Variants in CHD5 observed in about 807,000 individuals in gnomAD.
CHD5 encodes the protein chromodomain helicase DNA binding protein 5, also known as ATP-dependent chromatin remodeler CHD5.
A neutral mutation model predicts 230.3 loss-of-function variants in CHD5; 69 were observed. The ratio of observed to expected loss-of-function variants is 0.30; its 90% confidence interval spans 0.25 to 0.37. CHD5 has a LOEUF of 0.37. CHD5 is among the 10% of genes least tolerant of loss of function. The pLI is 1.00. For synonymous variants in CHD5, 1,064 were observed against 1,065.9 expected, an observed-to-expected ratio of 1.00 and a Z score of 0.03; for missense variants, 1,827 against 2,622.8, an observed-to-expected ratio of 0.70 and a Z score of 6.63.
Position 6,134,637 on chromosome 1 carries a change from C to T in CHD5, c.3012+81G>A. On this transcript the variant is annotated intron_variant, in intron 19 of 41. Transcript: ENST00000262450. This position sits in a 1 kb window ranked among gnomAD's most constrained non-coding sequence, Gnocchi z 6.3. ...TGGCCAGGAGAACCTATCACAGCGG[C>T]CACAGGGACCTACCATGGCGGCCAC... 7.0e-7 allele frequency: 1 copy of T among 1,421,036 alleles called. No homozygotes were observed. The highest frequency in any genetic ancestry group is 1.7e-5 in the Admixed American group (1 of 59,118). The allele number at this position is 1,421,036 out of a possible 1,614,324, so 88.0% of individuals were successfully genotyped here.
intron 38 of CHD5, among the ~76,000 whole-genome samples, chr1:6,107,827 G>T (rs1666217321): frequency 7.0e-6 from 1 of 142,122 alleles, no homozygotes; most frequent in South Asian, 2.4e-4. Context: ...GAGGGATGGA[G>T]GGATGATGAA....
chr1:6,110,798 G>A (rs1029845979), intron 36 of CHD5, among the ~76,000 whole-genome samples: 1 of 152,164 alleles, frequency 6.6e-6, no homozygotes, highest in African/African-American at 2.4e-5. Context: ...GGGTGCATAC[G>A]TTTAAGTCTT....
At chr1:6,177,680 C>A (rs2100891867) in intron 1 of CHD5, among the ~76,000 whole-genome samples, 1 of 152,324 alleles carries the variant, frequency 6.6e-6, no homozygotes, top group South Asian at 2.1e-4. Context: ...AGGCCCTTAG[C>A]AAGGGTGTCC....
chr1:6,128,317 G>A lies in CHD5; in HGVS notation c.3731-99C>T, dbSNP rs72632513. On this transcript the variant is annotated intron_variant, in intron 24 of 41. Transcript: ENST00000262450. This position sits in a 1 kb window ranked among gnomAD's most constrained non-coding sequence, Gnocchi z 7.8. ...CCAACAATGGCCCTTCCCATCCCCA[G>A]CAGGGGCTGCAGCTGAGAGGCATGG... The A allele has an allele frequency of 0.27, 346,889 of 1,286,200 alleles. 49,722 individuals are homozygous for A. Among genetic ancestry groups the A allele is most frequent in the South Asian group, 0.4 (29,707 of 74,526 alleles). The allele number at this position is 1,286,200 out of a possible 1,614,324, so 79.7% of individuals were successfully genotyped here.
chr1:6,149,105 T>C, intron 8 of CHD5, 30 bp from the exon 9 acceptor site: 4 of 1,477,368 alleles, frequency 2.7e-6, no homozygotes, highest in Non-Finnish European at 3.6e-6. Context: ...GGAGGCACCC[T>C]GGGCGGGGTC....
chr1:6,177,045 A>C (rs61198901), intron 1 of CHD5, among the ~76,000 whole-genome samples: 7,378 of 152,298 alleles, frequency 0.048, 435 homozygotes, highest in African/African-American at 0.15. Flanking sequence ...GGAAACAATA[A>C]TTCACTGCTG....
rs531775115 is a variant in CHD5 at position 6,121,630 on chromosome 1, C to T, written c.4700-57G>A. The T allele has an allele frequency of 1.5e-6, 2 of 1,339,500 alleles. No individual in the cohort carries two copies. Among genetic ancestry groups the T allele is most frequent in the African/African-American group, 1.4e-5 (1 of 69,510 alleles). The allele number at this position is 1,339,500 out of a possible 1,614,324, so 83.0% of individuals were successfully genotyped here. ...TGGGCTCAGACGGGAAGGAGTAGGGCAGGGAGTGGGGTGGCAGAGAGGAGA... is the reference window on the plus strand; with the variant it reads ...TGGGCTCAGACGGGAAGGAGTAGGGTAGGGAGTGGGGTGGCAGAGAGGAGA... On this transcript the variant is annotated intron_variant, in intron 31 of 41. Coordinates refer to ENST00000262450, the MANE Select transcript of CHD5 (RefSeq NM_015557.3). The surrounding 1 kb of genome is among the most constrained non-coding windows in gnomAD (Gnocchi z 4.5).
chr1:6,119,795 G>A (rs914291440), intron 33 of CHD5, among the ~76,000 whole-genome samples: 8 of 146,048 alleles, frequency 5.5e-5, no homozygotes, highest in African/African-American at 1.3e-4. Context: ...ATATACGTAC[G>A]TATGTACGTA....
chr1:6,169,048 T>C (rs1171840420), intron 1 of CHD5, among the ~76,000 whole-genome samples: 1 of 148,308 alleles, frequency 6.7e-6, no homozygotes, highest in Admixed American at 6.7e-5. Context: ...AGAGAGAGAA[T>C]TGTGGAGCAC....
chr1:6,143,812 TC>T lies in CHD5; in HGVS notation c.2043+10del. Reference sequence around the variant, plus strand: ...AACCCCACCCACTGCTGCCCCACCCTCCCCACTCACGTCCACAATGGGCGTG... The same window carrying T: ...AACCCCACCCACTGCTGCCCCACCCTCCCACTCACGTCCACAATGGGCGTG... On this transcript the variant is annotated intron_variant, in intron 13 of 41. Coordinates refer to ENST00000262450, the MANE Select transcript of CHD5 (RefSeq NM_015557.3). 2 of 789,990 alleles carry T rather than the reference TC, an allele frequency of 2.5e-6. No individual in the cohort carries two copies. The highest frequency in any genetic ancestry group is 2.1e-6 in the Non-Finnish European group (1 of 483,944). The allele number at this position is 789,990 out of a possible 1,614,324, so 48.9% of individuals were successfully genotyped here.
At position 6,121,711 on chromosome 1, in the gene CHD5, C is replaced by G; in HGVS notation, c.4700-138G>C. 1 of 622,114 alleles carries G rather than the reference C, an allele frequency of 1.6e-6. No homozygotes were observed. The highest frequency in any genetic ancestry group is 2.9e-6 in the Non-Finnish European group (1 of 347,104). 38.5% of individuals were successfully genotyped at this position (622,114 alleles called of 1,614,324 possible). ...TGCAGCCAAGCACCTCCAGGAGAGA[C>G]AAGCAGGATCCCCGGCTAAGTCAGA... On this transcript the variant is annotated intron_variant, in intron 31 of 41. Coordinates refer to ENST00000262450, the MANE Select transcript of CHD5 (RefSeq NM_015557.3). The surrounding 1 kb of genome is among the most constrained non-coding windows in gnomAD (Gnocchi z 4.5).
At chr1:6,127,990 G>A in intron 25 of CHD5, 56 bp downstream of exon 25, 2 of 1,425,166 alleles carry the variant, frequency 1.4e-6, no homozygotes, top group Non-Finnish European at 9.5e-7. Flanking sequence ...ACAGTGGGGG[G>A]CGGGGCTGCG....
At position 6,125,332 on chromosome 1, in the gene CHD5, TAGGAAGGGGGCACAGAGA is replaced by T; in HGVS notation, c.4261-117_4261-100del. On this transcript the variant is annotated intron_variant, in intron 28 of 41. Coordinates refer to ENST00000262450, the MANE Select transcript of CHD5 (RefSeq NM_015557.3). This position sits in a 1 kb window ranked among gnomAD's most constrained non-coding sequence, Gnocchi z 6.7. ...AGAAAAGCATGGGAGGAGGAGAAGGTAGGAAGGGGGCACAGAGAAGGCAGGGGCCTCCACCTGGGGCAG... is the reference window on the plus strand; with the variant it reads ...AGAAAAGCATGGGAGGAGGAGAAGGTAGGCAGGGGCCTCCACCTGGGGCAG... The T allele has an allele frequency of 8.9e-7, 1 of 1,121,744 alleles. No individual in the cohort carries two copies. Among genetic ancestry groups the T allele is most frequent in the South Asian group, 1.5e-5 (1 of 67,114 alleles). The allele number at this position is 1,121,744 out of a possible 1,614,324, so 69.5% of individuals were successfully genotyped here. A position where few individuals can be genotyped will look rare whatever the true frequency, so the allele number is the denominator to read the frequency against.
Position 6,146,909 on chromosome 1 carries a change from T to G in CHD5, c.1384-38A>C, listed in dbSNP as rs560918884. ...AAGGGTCCCCAAGGTGGGGCTCAGC[T>G]GCAGGGCCCCACCCTGAGGCTCCCA... On this transcript the variant is annotated intron_variant, in intron 9 of 41. Coordinates refer to ENST00000262450, the MANE Select transcript of CHD5 (RefSeq NM_015557.3). The surrounding 1 kb of genome is among the most constrained non-coding windows in gnomAD (Gnocchi z 5.1). 4.2e-6 allele frequency: 6 copies of G among 1,421,172 alleles called. No homozygotes were observed. The South Asian group carries it at 5.9e-5, about 14-fold the overall frequency. 88.0% of individuals were successfully genotyped at this position (1,421,172 alleles called of 1,614,324 possible).
At chr1:6,112,812 G>T (rs1557537205) in intron 34 of CHD5, 97 bp downstream of exon 34, 16 of 883,170 alleles carry the variant, frequency 1.8e-5, no homozygotes, top group Non-Finnish European at 2.5e-5. Context: ...GGGCCAAGGG[G>T]ACGGCGCCTG....
intron 25 of CHD5, among the ~76,000 whole-genome samples, chr1:6,127,575 G>A (rs1666579998): frequency 6.6e-6 from 1 of 152,200 alleles, no homozygotes; most frequent in Non-Finnish European, 1.5e-5. Context: ...GGAAGGGGCG[G>A]GAGGGTGCAG....
chr1:6,156,924 G>T (rs1667089348), intron 3 of CHD5, among the ~76,000 whole-genome samples: 1 of 152,250 alleles, frequency 6.6e-6, no homozygotes, highest in Non-Finnish European at 1.5e-5. Context: ...TCTGATCCTG[G>T]CTCTGCCACA....
In CHD5 at chr1:6,134,335, G is replaced by A. The variant is rs1405324748; in HGVS notation, c.3013-76C>T. ...GACTCTGCACCAAAGGGGCCGCAGG[G>A]AACAGACAAGTGCTGAGCAATGGGG... is the stretch of plus-strand genomic sequence containing the variant. On this transcript the variant is annotated intron_variant, in intron 19 of 41. Coordinates refer to ENST00000262450, the MANE Select transcript of CHD5 (RefSeq NM_015557.3). This position sits in a 1 kb window ranked among gnomAD's most constrained non-coding sequence, Gnocchi z 6.3. The A allele has an allele frequency of 6.5e-7, 1 of 1,536,660 alleles. No homozygotes were observed. The highest frequency in any genetic ancestry group is 1.4e-5 in the African/African-American group (1 of 73,284).
chr1:6,134,012 C>T lies in CHD5; in HGVS notation c.3144+116G>A. ...CCCTGACACACAGTCACATGACCCA[C>T]ATGGGAACGGCACTGGGCCCTGAGG... On this transcript the variant is annotated intron_variant, in intron 20 of 41. Coordinates refer to ENST00000262450, the MANE Select transcript of CHD5 (RefSeq NM_015557.3). The surrounding 1 kb of genome is among the most constrained non-coding windows in gnomAD (Gnocchi z 6.3). The T allele has an allele frequency of 1.0e-6, 1 of 1,002,490 alleles. No individual in the cohort carries two copies. Among genetic ancestry groups the T allele is most frequent in the Middle Eastern group, 3.1e-4 (1 of 3,266 alleles). The allele number at this position is 1,002,490 out of a possible 1,614,324, so 62.1% of individuals were successfully genotyped here.
Sources: allele counts gnomAD v4.1 joint callset (sites outside exome capture counted in the v4.1 genomes callset), GRCh38; gene constraint gnomAD v4.1.1; non-coding constraint Gnocchi (gnomAD v3.1); transcripts MANE v1.5; gene names NCBI Gene and HGNC (gene_info 2026-07-23, HGNC 2026-07-21).